Variants in GALNT13 observed in about 807,000 individuals in gnomAD.
The protein encoded by GALNT13 is UDP-GalNAc:polypeptide N-acetylgalactosaminyltransferase 13.
A neutral mutation model predicts 64.2 loss-of-function variants in GALNT13; 28 were observed. The observed-to-expected ratio is 0.44, with a 90% CI of 0.32 to 0.60. The LOEUF (loss-of-function observed/expected upper bound fraction) is 0.60, where lower values mean the gene tolerates loss of function less well. GALNT13 is among the 20% of genes least tolerant of loss of function. GALNT13 has a pLI of 0.05. For synonymous variants in GALNT13, 214 were observed against 224.6 expected (o/e 0.95, Z 0.42); for missense variants, 577 against 669.8 (o/e 0.86, Z 1.53).
At chr2:153,416,883 A>G in the GALNT13 span, among the ~76,000 whole-genome samples, 1,157 of 152,292 alleles carry the variant, frequency 7.6e-3, 12 homozygotes, top group African/African-American at 0.025. Flanking sequence ...ATCCTGAATC[A>G]GTTGTGGGCT....
At chr2:153,205,769 A>T in the GALNT13 span, among the ~76,000 whole-genome samples, 1 of 152,182 alleles carries the variant, frequency 6.6e-6, no homozygotes, top group Non-Finnish European at 1.5e-5. Context: ...ATGTTGATTT[A>T]TGTCTATCAA....
At chr2:154,105,705 C>G (rs1180890947) in intron 3 of GALNT13, among the ~76,000 whole-genome samples, 1 of 152,144 alleles carries the variant, frequency 6.6e-6, no homozygotes, top group Non-Finnish European at 1.5e-5. Context: ...ATTAGAGAAT[C>G]AAGACAGTGC....
At chr2:154,279,929 C>G (rs1475109075) in intron 8 of GALNT13, among the ~76,000 whole-genome samples, 1 of 151,758 alleles carries the variant, frequency 6.6e-6, no homozygotes, top group Non-Finnish European at 1.5e-5. Context: ...TCTTGCCAAA[C>G]TCTATATAGC....
intron 8 of GALNT13, among the ~76,000 whole-genome samples, chr2:154,284,325 C>T (rs873776): frequency 1.3e-5 from 2 of 151,806 alleles, no homozygotes; most frequent in Non-Finnish European, 2.9e-5. Context: ...GAGATTGACT[C>T]TTCTAGATTC....
chr2:153,192,685 G>A, the GALNT13 span, among the ~76,000 whole-genome samples: 1 of 152,166 alleles, frequency 6.6e-6, no homozygotes, highest in South Asian at 2.1e-4. Flanking sequence ...CCAGTGATGA[G>A]TGCATTTATA....
chr2:153,569,579 T>G, the GALNT13 span, among the ~76,000 whole-genome samples: 1 of 152,092 alleles, frequency 6.6e-6, no homozygotes, highest in Admixed American at 6.6e-5. Flanking sequence ...GGTGTATATA[T>G]TTATGGGGTA....
At chr2:154,309,549 A>C (rs919792563) in intron 9 of GALNT13, among the ~76,000 whole-genome samples, 3 of 152,182 alleles carry the variant, frequency 2.0e-5, no homozygotes, top group African/African-American at 7.2e-5. Flanking sequence ...GGGTATGTGC[A>C]AGGAGACCAA....
chr2:154,320,684 A>G (rs1694573736), intron 9 of GALNT13, among the ~76,000 whole-genome samples: 1 of 152,134 alleles, frequency 6.6e-6, no homozygotes, highest in African/African-American at 2.4e-5. Context: ...TCACAGTCCC[A>G]GGCCTTCTTA....
At chr2:154,281,031 C>G (rs1032987517) in intron 8 of GALNT13, among the ~76,000 whole-genome samples, 2 of 152,058 alleles carry the variant, frequency 1.3e-5, no homozygotes, top group African/African-American at 4.8e-5. Context: ...CTTAAATATA[C>G]TGAAAATACT....
At chr2:153,425,860 T>C in the GALNT13 span, among the ~76,000 whole-genome samples, 2 of 151,904 alleles carry the variant, frequency 1.3e-5, no homozygotes, top group African/African-American at 4.8e-5. Context: ...TTTAGTAATA[T>C]GAGATTAGCT....
intron 1 of GALNT13, among the ~76,000 whole-genome samples, chr2:153,885,794 C>T (rs549852811): frequency 1.6e-4 from 24 of 152,212 alleles, no homozygotes; most frequent in African/African-American, 5.8e-4. Flanking sequence ...CTTGGGCTAA[C>T]ACTAATTTTG....
At chr2:154,321,073 C>T (rs532081278) in intron 9 of GALNT13, among the ~76,000 whole-genome samples, 1 of 152,194 alleles carries the variant, frequency 6.6e-6, no homozygotes, top group East Asian at 1.9e-4. Context: ...CACAAGGGTA[C>T]TTTGCTGAGT....
chr2:153,437,203 A>C, the GALNT13 span, among the ~76,000 whole-genome samples: 1 of 151,790 alleles, frequency 6.6e-6, no homozygotes, highest in Non-Finnish European at 1.5e-5. Context: ...GTTTGTTATA[A>C]TTTCTGTTCT....
At chr2:153,398,518 A>G in the GALNT13 span, among the ~76,000 whole-genome samples, 1 of 151,892 alleles carries the variant, frequency 6.6e-6, no homozygotes, top group Non-Finnish European at 1.5e-5. Context: ...ACAATGGTTG[A>G]ACTAGTTTAC....
the GALNT13 span, among the ~76,000 whole-genome samples, chr2:153,725,080 G>C: frequency 2.2e-5 from 3 of 137,162 alleles, no homozygotes; most frequent in Non-Finnish European, 3.2e-5. Context: ...TGATAGACTG[G>C]ATTAAGAAAA....
chr2:154,297,840 T>C (rs75350788), intron 8 of GALNT13, among the ~76,000 whole-genome samples: 6,222 of 152,174 alleles, frequency 0.041, 188 homozygotes, highest in Non-Finnish European at 0.059. Flanking sequence ...TTGGTTTGAC[T>C]ATCTGGGTGA....
intron 1 of GALNT13, among the ~76,000 whole-genome samples, chr2:153,894,337 T>C (rs1465381100): frequency 6.6e-6 from 1 of 152,000 alleles, no homozygotes; most frequent in Non-Finnish European, 1.5e-5. Context: ...TGCAACAACA[T>C]GGCACCTAAC....
At chr2:154,391,514 G>C (rs1698790301) in intron 9 of GALNT13, among the ~76,000 whole-genome samples, 1 of 152,160 alleles carries the variant, frequency 6.6e-6, no homozygotes, top group African/African-American at 2.4e-5. Context: ...AACTGGAAGA[G>C]TGGGGAAGGC....
chr2:154,173,664 A>C (rs1573807356), intron 4 of GALNT13, among the ~76,000 whole-genome samples: 1 of 152,230 alleles, frequency 6.6e-6, no homozygotes, highest in East Asian at 1.9e-4. Context: ...ACAAGGAATT[A>C]ATAACCAGAA....
Sources: gnomAD v4.1 joint callset for allele counts (sites outside exome capture counted in the v4.1 genomes callset) on GRCh38, gnomAD v4.1.1 for gene constraint, MANE v1.5 for transcripts, NCBI Gene and HGNC (gene_info 2026-07-23, HGNC 2026-07-21) for gene names.